The following PPP6R2 variants were observed in gnomAD, a reference collection of about 807,000 sequenced individuals.
PPP6R2 encodes serine/threonine-protein phosphatase 6 regulatory subunit 2.
Under a neutral mutation model 100.2 loss-of-function variants are expected in PPP6R2, and 62 were observed. That is an observed-to-expected ratio of 0.62 (90% CI 0.50 to 0.76). The LOEUF (loss-of-function observed/expected upper bound fraction) is 0.76, where lower values mean the gene tolerates loss of function less well. PPP6R2 is among the 30% of genes least tolerant of loss of function. The pLI, the probability that PPP6R2 is intolerant of heterozygous loss-of-function variation, is 0.00. For synonymous variants in PPP6R2, 525 were observed against 514.7 expected, an observed-to-expected ratio of 1.02 and a Z score of -0.27; for missense variants, 1,142 against 1,276.3, an observed-to-expected ratio of 0.89 and a Z score of 1.60.
At chr22:50,441,390 G>A (rs2065580487) in intron 22 of PPP6R2, among the ~76,000 whole-genome samples, 1 of 152,190 alleles carries the variant, frequency 6.6e-6, no homozygotes, top group Admixed American at 6.5e-5. Flanking sequence ...AGCTCTTGGG[G>A]CTCTGGGCCT....
intron 4 of PPP6R2, among the ~76,000 whole-genome samples, chr22:50,409,523 G>T (rs887920592): frequency 6.6e-6 from 1 of 152,130 alleles, no homozygotes; most frequent in Admixed American, 6.5e-5. Flanking sequence ...CGCCTCCCGG[G>T]TTCCAGCGAT....
At chr22:50,414,170 A>G (rs1468168849) in intron 4 of PPP6R2, among the ~76,000 whole-genome samples, 1 of 152,028 alleles carries the variant, frequency 6.6e-6, no homozygotes, top group Non-Finnish European at 1.5e-5. Flanking sequence ...GCTGCCAGTG[A>G]TGGCCATCAG....
intron 22 of PPP6R2, 182 bp from the exon 23 acceptor site, chr22:50,443,684 G>C (rs567767837): frequency 1.3e-6 from 1 of 783,144 alleles, no homozygotes; most frequent in East Asian, 2.7e-5. Context: ...TTGGAACTTG[G>C]GGCAGCAGAG....
chr22:50,347,025 G>A (rs999674373), intron 1 of PPP6R2, among the ~76,000 whole-genome samples: 1 of 151,814 alleles, frequency 6.6e-6, no homozygotes, highest in Non-Finnish European at 1.5e-5. Context: ...CCCCCCATCA[G>A]TGCCAGTGCC....
chr22:50,395,327 G>T (rs1218027430), intron 3 of PPP6R2, among the ~76,000 whole-genome samples: 1 of 152,176 alleles, frequency 6.6e-6, no homozygotes, highest in Admixed American at 6.5e-5. Context: ...GGAGCCTCAG[G>T]GCCTTGAGTC....
chr22:50,414,312 C>T (rs1336029553), intron 4 of PPP6R2, among the ~76,000 whole-genome samples: 4 of 124,240 alleles, frequency 3.2e-5, no homozygotes, highest in Non-Finnish European at 6.5e-5. Context: ...TGCAGAGCCA[C>T]AGGGGTCCCT....
At chr22:50,418,472 T>A (rs575086792) in intron 6 of PPP6R2, among the ~76,000 whole-genome samples, 95 of 151,982 alleles carry the variant, frequency 6.3e-4, no homozygotes, top group African/African-American at 2.2e-3. Flanking sequence ...TGCAAGCTCC[T>A]TCTCCCAGGT....
chr22:50,359,546 G>C (rs1569284832), intron 1 of PPP6R2, among the ~76,000 whole-genome samples: 1 of 152,036 alleles, frequency 6.6e-6, no homozygotes. Flanking sequence ...TGATGAAAAA[G>C]GTTTATATTT....
intron 13 of PPP6R2, among the ~76,000 whole-genome samples, 168 bp downstream of exon 13, chr22:50,435,249 G>T (rs1011560975): frequency 1.3e-5 from 2 of 152,210 alleles, no homozygotes; most frequent in African/African-American, 4.8e-5. Flanking sequence ...CTCTCCTCGT[G>T]GGGGCCTGGG....
intron 21 of PPP6R2, among the ~76,000 whole-genome samples, chr22:50,440,300 G>A (rs755616430): frequency 2.0e-5 from 3 of 152,250 alleles, no homozygotes; most frequent in African/African-American, 4.8e-5. Flanking sequence ...GCACAGCTCA[G>A]GTCTGCACCC....
At chr22:50,396,195 CAAAAAAA>C (rs528437459) in intron 3 of PPP6R2, among the ~76,000 whole-genome samples, 1 of 51,616 alleles carries the variant, frequency 1.9e-5, no homozygotes, top group Non-Finnish European at 3.4e-5. Context: ...GACTCTGGCT[CAAAAAAA>C]AAAAAAAAAA....
intron 18 of PPP6R2, 71 bp downstream of exon 18, chr22:50,438,369 C>G: frequency 6.4e-7 from 1 of 1,556,114 alleles, no homozygotes; most frequent in South Asian, 1.2e-5. Context: ...TGTCAGACGC[C>G]CTGTGGTTCG....
At chr22:50,337,380 GGT>G in the PPP6R2 span, among the ~76,000 whole-genome samples, 19 of 115,776 alleles carry the variant, frequency 1.6e-4, no homozygotes, top group African/African-American at 4.6e-4. Context: ...CTGTGTGGGG[GGT>G]GTGTGTGTGT....
intron 8 of PPP6R2, among the ~76,000 whole-genome samples, 192 bp downstream of exon 8, chr22:50,419,654 C>T (rs557789990): frequency 1.7e-4 from 26 of 152,356 alleles, no homozygotes; most frequent in Admixed American, 1.6e-3. Flanking sequence ...CCCTCATCAT[C>T]ACTGGTGCTC....
At chr22:50,414,787 C>T (rs952195685) in intron 5 of PPP6R2, 98 bp downstream of exon 5, 12 of 1,354,948 alleles carry the variant, frequency 8.9e-6, no homozygotes, top group African/African-American at 1.5e-5. Flanking sequence ...CGCCCGGCCC[C>T]CATCTCTCCA....
chr22:50,358,157 C>T (rs1003838403), intron 1 of PPP6R2, among the ~76,000 whole-genome samples: 4 of 151,254 alleles, frequency 2.6e-5, no homozygotes, highest in Admixed American at 6.6e-5. Context: ...GGTCTCTCTG[C>T]GTAGCCCAGG....
At chr22:50,334,905 G>A in the PPP6R2 span, among the ~76,000 whole-genome samples, 2 of 151,752 alleles carry the variant, frequency 1.3e-5, no homozygotes, top group Non-Finnish European at 2.9e-5. Flanking sequence ...AGGCAAGATC[G>A]CACCAACTGC....
intron 1 of PPP6R2, among the ~76,000 whole-genome samples, chr22:50,354,733 G>GGGGTT (rs1455338349): frequency 6.6e-6 from 1 of 152,072 alleles, no homozygotes; most frequent in African/African-American, 2.4e-5. Context: ...GGCTGAGGCA[G>GGGGTT]GGGTTGCAGT....
intron 4 of PPP6R2, among the ~76,000 whole-genome samples, chr22:50,412,508 G>A (rs1196761766): frequency 2.0e-5 from 3 of 151,702 alleles, no homozygotes; most frequent in Admixed American, 2.0e-4. Context: ...TTAAATGTTT[G>A]GAAGAATTTA....
Sources: allele counts gnomAD v4.1 joint callset (sites outside exome capture counted in the v4.1 genomes callset), GRCh38; gene constraint gnomAD v4.1.1; transcripts MANE v1.5; gene names NCBI Gene and HGNC (gene_info 2026-07-23, HGNC 2026-07-21).